HDX: variants seen among roughly 807,000 people sequenced by gnomAD.
The protein encoded by HDX is highly divergent homeobox.
Under a neutral mutation model 45.2 loss-of-function variants are expected in HDX, and 19 were observed. The ratio of observed to expected loss-of-function variants is 0.42; its 90% confidence interval spans 0.29 to 0.62. The LOEUF (loss-of-function observed/expected upper bound fraction) is 0.62, where lower values mean the gene tolerates loss of function less well. HDX is among the 20% of genes least tolerant of loss of function. The probability of loss-of-function intolerance (pLI) is 0.20; values close to 1 mark genes in which losing one functional copy is unlikely to be tolerated. For synonymous variants in HDX, 188 were observed against 172.8 expected (o/e 1.09, Z -0.69); for missense variants, 532 against 493.9 (o/e 1.08, Z -0.73).
intron 5 of HDX, among the ~76,000 whole-genome samples, chrX:84,375,003 A>C (rs1434412093): frequency 9.4e-6 from 1 of 106,572 alleles, no homozygotes; most frequent in East Asian, 2.9e-4. Context: ...CATCTGACAA[A>C]GGGCTAATAT....
chrX:84,487,519 T>A (rs1241922014), intron 2 of HDX, among the ~76,000 whole-genome samples: 2 of 112,251 alleles, frequency 1.8e-5, no homozygotes, highest in Non-Finnish European at 3.8e-5. Flanking sequence ...TCCTTTTCTG[T>A]GTTATTTTGG....
intron 5 of HDX, among the ~76,000 whole-genome samples, chrX:84,414,641 T>C (rs2039062759): frequency 8.9e-6 from 1 of 111,961 alleles, no homozygotes; most frequent in Non-Finnish European, 1.9e-5. Context: ...CATAACATTT[T>C]CCCTTTCCTG....
chrX:84,328,438 T>A (rs1033674314), intron 9 of HDX, among the ~76,000 whole-genome samples: 12 of 110,881 alleles, frequency 1.1e-4, no homozygotes, highest in Non-Finnish European at 2.3e-4. Context: ...AAAATAAAAA[T>A]AAAACCACAT....
chrX:84,434,018 A>G (rs1350316816), intron 5 of HDX, among the ~76,000 whole-genome samples: 1 of 111,588 alleles, frequency 9.0e-6, no homozygotes, highest in East Asian at 2.8e-4. Context: ...GCTACTGAAT[A>G]TGTATGTTGA....
intron 5 of HDX, among the ~76,000 whole-genome samples, chrX:84,430,659 C>G (rs753222916): frequency 1.0e-5 from 1 of 99,736 alleles, no homozygotes; most frequent in South Asian, 4.6e-4. Flanking sequence ...GAGATCTTTT[C>G]TCTGCATCCT....
chrX:84,366,289 C>T (rs891551239), intron 5 of HDX, among the ~76,000 whole-genome samples: 4 of 111,281 alleles, frequency 3.6e-5, no homozygotes, highest in African/African-American at 1.3e-4. Flanking sequence ...ATGTGAAGGA[C>T]CTCTTCAAGG....
At chrX:84,493,601 T>G (rs996635941) in intron 1 of HDX, among the ~76,000 whole-genome samples, 1 of 111,957 alleles carries the variant, frequency 8.9e-6, no homozygotes, top group South Asian at 3.6e-4. Context: ...TAAAGAAAGC[T>G]TCTACCAAAT....
In HDX at chrX:84,359,233, G is replaced by A. The variant is rs901991105; in HGVS notation, c.1452+2233C>T. ...CTAGGATACATGTGCAGGACCTGCA[G>A]GTTTGTTACAAAGGTAAATGTGTGC... On this transcript the variant is annotated intron_variant, in intron 6 of 10. Coordinates refer to ENST00000373177, the MANE Select transcript of HDX (RefSeq NM_001177479.2). Among the ~76,000 whole-genome samples the A allele has an allele frequency of 6.4e-5, 7 of 109,863 alleles. No homozygotes were observed. The South Asian group carries it at 2.0e-3, about 32-fold the overall frequency.
At position 84,344,317 on chromosome X, in the gene HDX, A is replaced by G; in HGVS notation, c.1593T>C (p.Pro531=). 8.3e-7 allele frequency: 1 copy of G among 1,208,491 alleles called. No homozygotes were observed. The highest frequency in any genetic ancestry group is 1.1e-6 in the Non-Finnish European group (1 of 892,936). The change falls in exon 7 of 11, where the codon CCT becomes CCC. Residue 531 remains proline, a synonymous_variant. Coordinates refer to ENST00000373177, the MANE Select transcript of HDX (RefSeq NM_001177479.2). ...SALTPGEEAG[P]EVGEDNDRND... ...TTCTGTCATTATCCTCTCCTACTTC[A>G]GGCCCAGCTTCCTCTCCTGGTGTGA... is the stretch of plus-strand genomic sequence containing the variant.
At chrX:84,453,949 A>G (rs2040059729) in intron 4 of HDX, among the ~76,000 whole-genome samples, 1 of 111,837 alleles carries the variant, frequency 8.9e-6, no homozygotes, top group Admixed American at 9.4e-5. Flanking sequence ...TAGCTCCTGA[A>G]CTACATTTAT....
chrX:84,414,684 G>T (rs1236821174), intron 5 of HDX, among the ~76,000 whole-genome samples: 1 of 111,182 alleles, frequency 9.0e-6, no homozygotes, highest in Non-Finnish European at 1.9e-5. Flanking sequence ...CATGATTTGG[G>T]TATCATAAAC....
chrX:84,402,394 A>G, intron 5 of HDX, among the ~76,000 whole-genome samples: 1 of 111,589 alleles, frequency 9.0e-6, no homozygotes, highest in Non-Finnish European at 1.9e-5. Context: ...GAATAGTTTG[A>G]CTATCATAAC....
chrX:84,344,358 C>A lies in HDX; in HGVS notation c.1552G>T (p.Gly518Cys). The A allele has an allele frequency of 8.3e-7, 1 of 1,204,948 alleles. No individual in the cohort carries two copies. Among genetic ancestry groups the A allele is most frequent in the Non-Finnish European group, 1.1e-6 (1 of 889,800 alleles). ...CCTGGTGTGAGTGCAGATAAAGAACCAGACTCAGGCTGCTCAGAGAAATCA... is the reference window on the plus strand; with the variant it reads ...CCTGGTGTGAGTGCAGATAAAGAACAAGACTCAGGCTGCTCAGAGAAATCA... The part of the protein sequence containing the change: ...PADFSEQPES[G>C]SLSALTPGEE... The change falls in exon 7 of 11, where the codon GGT becomes TGT. Residue 518 changes from glycine to cysteine, a missense_variant. Physicochemically the swap from Gly to Cys is radical, Grantham distance 159 (BLOSUM62 -3). This residue lies in a region of HDX where 151 missense variants were observed against 131.8 expected (regional missense o/e 1.15). Transcript: ENST00000373177.
intron 5 of HDX, among the ~76,000 whole-genome samples, chrX:84,395,385 A>G (rs7885045): frequency 0.25 from 27,467 of 108,626 alleles, 2,656 homozygotes; most frequent in Non-Finnish European, 0.3. Flanking sequence ...CCAATACTTT[A>G]ATTATATCAT....
At chrX:84,453,319 G>T (rs2040042969) in intron 4 of HDX, among the ~76,000 whole-genome samples, 1 of 112,110 alleles carries the variant, frequency 8.9e-6, no homozygotes, top group African/African-American at 3.2e-5. Flanking sequence ...AGGCAATGAA[G>T]AGGATTGGAA....
chrX:84,376,139 G>A (rs759713811), intron 5 of HDX, among the ~76,000 whole-genome samples: 2 of 112,182 alleles, frequency 1.8e-5, no homozygotes, highest in African/African-American at 3.2e-5. Context: ...TGTGCCAGAA[G>A]GGAACTGTTG....
chrX:84,411,303 A>T (rs2038980676), intron 5 of HDX, among the ~76,000 whole-genome samples: 1 of 111,419 alleles, frequency 9.0e-6, no homozygotes, highest in Non-Finnish European at 1.9e-5. Context: ...TTTTTGTGCT[A>T]TAAACATTCT....
chrX:84,482,742 C>A (rs1175141879), intron 2 of HDX, among the ~76,000 whole-genome samples: 1 of 111,090 alleles, frequency 9.0e-6, no homozygotes, highest in Non-Finnish European at 1.9e-5. Flanking sequence ...CATACCCTTC[C>A]AAAAATCCTC....
chrX:84,328,596 A>G (rs2036770553), intron 9 of HDX, among the ~76,000 whole-genome samples: 1 of 111,676 alleles, frequency 9.0e-6, no homozygotes, highest in African/African-American at 3.3e-5. Context: ...AGGTATCTGA[A>G]TGACCAATAA....
Sources: gnomAD v4.1 joint callset for allele counts (sites outside exome capture counted in the v4.1 genomes callset) on GRCh38, gnomAD v4.1.1 for gene constraint, gnomAD v4.1.1 regional missense constraint, MANE v1.5 for transcripts, NCBI Gene and HGNC (gene_info 2026-07-23, HGNC 2026-07-21) for gene names.